ADARB2: variants seen among roughly 807,000 people sequenced by gnomAD.
The protein encoded by ADARB2 is inactive double-stranded RNA-specific editase B2.
ADARB2 carries 25 observed loss-of-function variants against 62.2 expected under a neutral mutation model. The ratio of observed to expected loss-of-function variants is 0.40; its 90% confidence interval spans 0.29 to 0.56. The LOEUF (loss-of-function observed/expected upper bound fraction) is 0.56, where lower values mean the gene tolerates loss of function less well. ADARB2 is among the 20% of genes least tolerant of loss of function. ADARB2 has a pLI of 0.43. For missense variants in ADARB2, 1,071 were observed against 1,077.4 expected, an observed-to-expected ratio of 0.99 and a Z score of 0.08; for synonymous variants, 572 against 500.8, an observed-to-expected ratio of 1.14 and a Z score of -1.90.
In ADARB2 at chr10:1,178,865, G is replaced by A. The variant is rs1288696417; in HGVS notation, c.*4328C>T. The A allele has an allele frequency of 1.3e-5, 2 of 152,184 alleles. No homozygotes were observed. The highest frequency in any genetic ancestry group is 2.4e-5 in the African/African-American group (1 of 41,456). The allele number at this position is 152,184 out of a possible 1,614,324, so 9.4% of individuals were successfully genotyped here. On this transcript the variant is annotated 3_prime_UTR_variant, in exon 10 of 10. Coordinates refer to ENST00000381312, the MANE Select transcript of ADARB2 (RefSeq NM_018702.4). ...AGAGCCTCACCGGGTTCTGTTGGGT[G>A]TTATGAGAGGCGGCTGCAGCGATCC...
At position 1,221,656 on chromosome 10, in the gene ADARB2, G is replaced by A. The variant is rs1247135208; in HGVS notation, c.1514-4537C>T. Among the ~76,000 whole-genome samples, 3 of 151,478 alleles carry A rather than the reference G, an allele frequency of 2.0e-5. No homozygotes were observed. In the East Asian group the frequency reaches 5.9e-4, roughly 30 times the overall value. ...TTGTTCAATTCCCATCTATGAGTGA[G>A]AACATGCGGTGTTTGGTTTTTTGTC... On this transcript the variant is annotated intron_variant, in intron 6 of 9. Coordinates refer to ENST00000381312, the MANE Select transcript of ADARB2 (RefSeq NM_018702.4).
intron 6 of ADARB2, among the ~76,000 whole-genome samples, chr10:1,219,764 C>T (rs1181898286): frequency 1.4e-5 from 2 of 139,236 alleles, no homozygotes; most frequent in African/African-American, 2.7e-5. Flanking sequence ...ATGATGGTGG[C>T]GGTGGAGACG....
intron 8 of ADARB2, among the ~76,000 whole-genome samples, 180 bp from the exon 9 acceptor site, chr10:1,185,219 CGTG>C (rs747603699): frequency 8.5e-5 from 13 of 152,236 alleles, no homozygotes; most frequent in Non-Finnish European, 1.5e-4. Context: ...TGGGCAGGAT[CGTG>C]GTGGCCGCCT....
rs187315120 is a variant in ADARB2 at position 1,483,421 on chromosome 10, C to T, written c.101-104261G>A. Among the ~76,000 whole-genome samples, 15 of 152,266 alleles carry T rather than the reference C, an allele frequency of 9.9e-5. No homozygotes were observed. In the East Asian group the frequency reaches 2.9e-3, roughly 29 times the overall value. ...AATCCTGAACGACAACTTTACAGTT[C>T]GATGGTAATTCCAAGACAATGGTAC... is the stretch of plus-strand genomic sequence containing the variant. On this transcript the variant is annotated intron_variant, in intron 1 of 9. Coordinates refer to ENST00000381312, the MANE Select transcript of ADARB2 (RefSeq NM_018702.4).
chr10:1,186,980 C>T (rs1225747956), intron 8 of ADARB2, among the ~76,000 whole-genome samples: 1 of 152,242 alleles, frequency 6.6e-6, no homozygotes, highest in Non-Finnish European at 1.5e-5. Context: ...CCACAGACCC[C>T]AGATCCTCTG....
chr10:1,267,557 A>G (rs1212111890), intron 4 of ADARB2, among the ~76,000 whole-genome samples: 3 of 152,236 alleles, frequency 2.0e-5, no homozygotes, highest in Non-Finnish European at 2.9e-5. Context: ...AGATGCTTCC[A>G]TAGAAGCCTC....
intron 3 of ADARB2, among the ~76,000 whole-genome samples, chr10:1,344,176 G>A (rs1157492013): frequency 6.6e-6 from 1 of 152,130 alleles, no homozygotes; most frequent in Non-Finnish European, 1.5e-5. Flanking sequence ...TAAGATAACG[G>A]ACAGGGTCAA....
rs527536217 is a variant in ADARB2 at position 1,549,891 on chromosome 10, G to A, written c.101-170731C>T. On this transcript the variant is annotated intron_variant, in intron 1 of 9. Coordinates refer to ENST00000381312, the MANE Select transcript of ADARB2 (RefSeq NM_018702.4). ...CCCTCTCCTGGGTGCTGGGTCTGCA[G>A]CGTGAGATTAGATGGAGCTCTCTGT... is the stretch of plus-strand genomic sequence containing the variant. Among the ~76,000 whole-genome samples, 43 of 152,318 alleles carry A rather than the reference G, an allele frequency of 2.8e-4. 1 individual carries two copies. The highest frequency in any genetic ancestry group is 8.4e-4 in the African/African-American group (35 of 41,580).
intron 3 of ADARB2, among the ~76,000 whole-genome samples, chr10:1,360,307 G>T (rs923747940): frequency 1.3e-5 from 2 of 152,248 alleles, no homozygotes; most frequent in African/African-American, 4.8e-5. Flanking sequence ...CCAGGAAAAC[G>T]CATGGCTTGT....
intron 1 of ADARB2, among the ~76,000 whole-genome samples, chr10:1,462,130 C>T (rs562738014): frequency 6.6e-6 from 1 of 152,312 alleles, no homozygotes; most frequent in South Asian, 2.1e-4. Context: ...CAGGATATAG[C>T]CATTCCCCGC....
intron 1 of ADARB2, among the ~76,000 whole-genome samples, chr10:1,529,444 T>A (rs1028421222): frequency 2.6e-5 from 4 of 152,132 alleles, no homozygotes; most frequent in Non-Finnish European, 5.9e-5. Flanking sequence ...TCTGACTCCC[T>A]GGGGTCATCA....
chr10:1,244,247 G>C (rs1310580055), intron 4 of ADARB2, among the ~76,000 whole-genome samples: 1 of 152,258 alleles, frequency 6.6e-6, no homozygotes, highest in African/African-American at 2.4e-5. Context: ...TCACAAGGAT[G>C]ACATCGTGAT....
At chr10:1,691,709 G>T (rs148081238) in intron 1 of ADARB2, among the ~76,000 whole-genome samples, 29 of 152,266 alleles carry the variant, frequency 1.9e-4, no homozygotes, top group Admixed American at 1.2e-3. Context: ...GCTCACTGGG[G>T]CTGGCTCAAC....
chr10:1,665,312 C>T (rs960382823), intron 1 of ADARB2, among the ~76,000 whole-genome samples: 3 of 152,244 alleles, frequency 2.0e-5, no homozygotes, highest in African/African-American at 2.4e-5. Context: ...TGGAAATGCA[C>T]GTGAGTGGGC....
chr10:1,589,256 C>A (rs1192411884), intron 1 of ADARB2, among the ~76,000 whole-genome samples: 1 of 152,240 alleles, frequency 6.6e-6, no homozygotes, highest in Non-Finnish European at 1.5e-5. Context: ...CCACCTTCAG[C>A]CTGACCGCCA....
At chr10:1,518,549 C>T (rs1047563108) in intron 1 of ADARB2, among the ~76,000 whole-genome samples, 32 of 152,344 alleles carry the variant, frequency 2.1e-4, no homozygotes, top group Admixed American at 2.6e-4. Flanking sequence ...GCCTGCATTT[C>T]GTGTAATGTC....
At chr10:1,327,556 C>T (rs1376404817) in intron 3 of ADARB2, among the ~76,000 whole-genome samples, 11 of 91,698 alleles carry the variant, frequency 1.2e-4, no homozygotes, top group African/African-American at 5.1e-4. Flanking sequence ...CGCCTCCTCA[C>T]GGCCCAGCGC....
chr10:1,353,518 C>G (rs943977746), intron 3 of ADARB2, among the ~76,000 whole-genome samples: 1 of 152,126 alleles, frequency 6.6e-6, no homozygotes, highest in Non-Finnish European at 1.5e-5. Flanking sequence ...CCAGCAAGAC[C>G]TCCCCAGACA....
intron 1 of ADARB2, chr10:1,678,460 C>G: frequency 3.7e-6 from 2 of 537,094 alleles, no homozygotes; most frequent in Non-Finnish European, 4.8e-6. Context: ...GGGTCACACT[C>G]AAGGTCACCG....
Sources: gnomAD v4.1 joint callset for allele counts (sites outside exome capture counted in the v4.1 genomes callset) on GRCh38, gnomAD v4.1.1 for gene constraint, MANE v1.5 for transcripts, NCBI Gene and HGNC (gene_info 2026-07-23, HGNC 2026-07-21) for gene names.